TMPRSS11F: variants seen among roughly 807,000 people sequenced by gnomAD.
TMPRSS11F encodes transmembrane protease serine 11F.
A neutral mutation model predicts 60.2 loss-of-function variants in TMPRSS11F; 47 were observed. The ratio of observed to expected loss-of-function variants is 0.78; its 90% CI spans 0.62 to 1.00. The LOEUF (loss-of-function observed/expected upper bound fraction) is 1.00, where lower values mean the gene tolerates loss of function less well. Ranked by LOEUF, TMPRSS11F falls within the 50% of genes least tolerant of loss-of-function variation. The probability of loss-of-function intolerance (pLI) is 0.00; values close to 1 mark genes in which losing one functional copy is unlikely to be tolerated. For synonymous variants in TMPRSS11F, 166 were observed against 167.3 expected (o/e 0.99, Z 0.06); for missense variants, 519 against 522.9 (o/e 0.99, Z 0.07).
At chr4:68,060,473 G>A (rs868673771) in intron 8 of TMPRSS11F, among the ~76,000 whole-genome samples, 3 of 111,024 alleles carry the variant, frequency 2.7e-5, no homozygotes, top group South Asian at 3.1e-4. Flanking sequence ...CCAAGATGGC[G>A]CCACTGCACT....
At chr4:68,077,866 T>C (rs894673763) in intron 3 of TMPRSS11F, among the ~76,000 whole-genome samples, 1 of 152,194 alleles carries the variant, frequency 6.6e-6, no homozygotes, top group African/African-American at 2.4e-5. Context: ...TCCTGCAGCC[T>C]AGCACCTTAG....
chr4:68,114,501 T>C (rs946646288), intron 1 of TMPRSS11F, among the ~76,000 whole-genome samples: 1 of 152,054 alleles, frequency 6.6e-6, no homozygotes, highest in Non-Finnish European at 1.5e-5. Flanking sequence ...ACAAAAACTT[T>C]CAAAGCTCAT....
intron 1 of TMPRSS11F, among the ~76,000 whole-genome samples, chr4:68,128,949 T>C (rs1468880071): frequency 5.3e-5 from 8 of 152,110 alleles, no homozygotes; most frequent in African/African-American, 1.9e-4. Flanking sequence ...TTTAAGTATT[T>C]AGGTTAATTG....
intron 3 of TMPRSS11F, among the ~76,000 whole-genome samples, chr4:68,087,149 C>G (rs763564133): frequency 6.6e-6 from 1 of 152,140 alleles, no homozygotes; most frequent in South Asian, 2.1e-4. Context: ...CCAAATCTAG[C>G]TGCACGAAAA....
At chr4:68,117,434 C>T (rs1724548534) in intron 1 of TMPRSS11F, among the ~76,000 whole-genome samples, 1 of 137,886 alleles carries the variant, frequency 7.3e-6, no homozygotes, top group African/African-American at 2.7e-5. Flanking sequence ...GGCCACCGCA[C>T]TCCAGCCTGG....
intron 3 of TMPRSS11F, among the ~76,000 whole-genome samples, chr4:68,082,764 CA>C (rs1723733531): frequency 6.6e-6 from 1 of 152,254 alleles, no homozygotes; most frequent in African/African-American, 2.4e-5. Flanking sequence ...GAAGAGCCCC[CA>C]CTCTCAGAAC....
At chr4:68,074,507 T>C (rs765169405) in intron 3 of TMPRSS11F, among the ~76,000 whole-genome samples, 2 of 152,238 alleles carry the variant, frequency 1.3e-5, no homozygotes, top group South Asian at 2.1e-4. Context: ...CCAGTATTGA[T>C]AGAATTTGTT....
At chr4:68,076,700 T>A (rs1290205248) in intron 3 of TMPRSS11F, among the ~76,000 whole-genome samples, 2 of 152,090 alleles carry the variant, frequency 1.3e-5, no homozygotes, top group Admixed American at 6.5e-5. Context: ...GATACTCCCA[T>A]GGGAAAAGAA....
chr4:68,068,649 A>G lies in TMPRSS11F; in HGVS notation c.724T>C (p.Trp242Arg), dbSNP rs376362912. 21 of 1,614,066 alleles carry G rather than the reference A, an allele frequency of 1.3e-5. No homozygotes were observed. The South Asian group carries it at 2.0e-4, about 15-fold the overall frequency. Reference protein sequence around the residue: ...QCGASLISNTWLLTAAHCFWK... With the variant: ...QCGASLISNTRLLTAAHCFWK... ...AAGCAGTGAGCTGCTGTGAGCAGCC[A>G]TGTGTTACTGATGAGGCTGGCTCCA... Residue 242 changes from tryptophan (W) to arginine (R), a missense_variant, in exon 7 of 10, where the codon TGG (tryptophan) becomes CGG (arginine). Transcript: ENST00000356291.
Position 68,061,084 on chromosome 4 carries a change from T to C in TMPRSS11F, c.1016-1616A>G, listed in dbSNP as rs73825365. Among the ~76,000 whole-genome samples, 1,352 of 152,114 alleles carry C rather than the reference T, an allele frequency of 8.9e-3. 26 individuals are homozygous for C. The highest frequency in any genetic ancestry group is 0.031 in the African/African-American group (1,284 of 41,542). ...TACTCTATTTAATAAAGTATATGCA[T>C]AAAATGATACATTAGGTAAGAAGCA... On this transcript the variant is annotated intron_variant, in intron 8 of 9. Transcript: ENST00000356291.
chr4:68,078,858 G>A (rs1333429484), intron 3 of TMPRSS11F, among the ~76,000 whole-genome samples: 1 of 152,000 alleles, frequency 6.6e-6, no homozygotes, highest in Admixed American at 6.5e-5. Context: ...TCAGGGAACA[G>A]GGAGAAAAGG....
chr4:68,101,500 A>C (rs2109873411), intron 1 of TMPRSS11F, among the ~76,000 whole-genome samples: 1 of 152,336 alleles, frequency 6.6e-6, no homozygotes, highest in Non-Finnish European at 1.5e-5. Flanking sequence ...AAACTTTGAG[A>C]TTTTGACTAT....
At chr4:68,083,695 A>G (rs1041587174) in intron 3 of TMPRSS11F, among the ~76,000 whole-genome samples, 2 of 152,218 alleles carry the variant, frequency 1.3e-5, no homozygotes, top group Non-Finnish European at 2.9e-5. Flanking sequence ...AACGACAGCA[A>G]ATTCAAAAAG....
chr4:68,112,168 A>T (rs1184618783), intron 1 of TMPRSS11F, among the ~76,000 whole-genome samples: 1 of 152,150 alleles, frequency 6.6e-6, no homozygotes, highest in Non-Finnish European at 1.5e-5. Flanking sequence ...TCAGTCAAGC[A>T]TTTATTATTT....
chr4:68,112,389 A>G (rs1724424888), intron 1 of TMPRSS11F, among the ~76,000 whole-genome samples: 1 of 152,150 alleles, frequency 6.6e-6, no homozygotes, highest in African/African-American at 2.4e-5. Context: ...TCCCTAGTTA[A>G]AAGTGACATC....
intron 2 of TMPRSS11F, among the ~76,000 whole-genome samples, chr4:68,091,627 A>G (rs561078284): frequency 3.3e-5 from 5 of 152,032 alleles, no homozygotes; most frequent in Admixed American, 6.6e-5. Context: ...TATATTTTCT[A>G]TCTTTGTGAA....
intron 3 of TMPRSS11F, among the ~76,000 whole-genome samples, chr4:68,088,885 C>T (rs1228010925): frequency 6.6e-6 from 1 of 152,090 alleles, no homozygotes; most frequent in African/African-American, 2.4e-5. Context: ...CTACGAAACA[C>T]TGCTGAAAGA....
intron 1 of TMPRSS11F, among the ~76,000 whole-genome samples, chr4:68,100,322 A>T (rs1482407004): frequency 6.6e-6 from 1 of 152,072 alleles, no homozygotes; most frequent in Non-Finnish European, 1.5e-5. Context: ...CCAATAGAAA[A>T]TTTTAATTAG....
intron 3 of TMPRSS11F, among the ~76,000 whole-genome samples, chr4:68,089,370 GT>G (rs1466976348): frequency 1.3e-5 from 2 of 152,096 alleles, no homozygotes; most frequent in Non-Finnish European, 2.9e-5. Context: ...TCCTGGTTAG[GT>G]TTACCTTTGT....
Sources: gnomAD v4.1 joint callset for allele counts (sites outside exome capture counted in the v4.1 genomes callset) on GRCh38, gnomAD v4.1.1 for gene constraint, MANE v1.5 for transcripts, NCBI Gene and HGNC (gene_info 2026-07-23, HGNC 2026-07-21) for gene names.